The following VSTM5 variants were observed in gnomAD, a reference collection of about 807,000 sequenced individuals.
VSTM5 encodes V-set and transmembrane domain containing 5, also known as V-set and transmembrane domain-containing protein 5.
VSTM5 carries 21 observed loss-of-function variants against 20.3 expected under a neutral mutation model. That is an observed-to-expected ratio of 1.03 (90% confidence interval 0.73 to 1.49). The LOEUF is 1.49. Among genes scored for constraint, VSTM5 ranks in the 40% most tolerant of loss-of-function variants. The probability of loss-of-function intolerance (pLI) is 0.00; values close to 1 mark genes in which losing one functional copy is unlikely to be tolerated. For missense variants in VSTM5, 219 were observed against 250.0 expected (o/e 0.88, Z 0.84); for synonymous variants, 100 against 102.5 (o/e 0.98, Z 0.14).
chr11:93,822,410 C>G (rs1944195525), intron 1 of VSTM5, among the ~76,000 whole-genome samples: 3 of 151,478 alleles, frequency 2.0e-5, no homozygotes, highest in South Asian at 4.2e-4. Flanking sequence ...CAAAGGCACA[C>G]CAACATGCCC....
chr11:93,820,458 AG>A lies in VSTM5; in HGVS notation c.*110del. 1.8e-5 allele frequency: 21 copies of A among 1,137,060 alleles called. No homozygotes were observed. The highest frequency in any genetic ancestry group is 2.6e-5 in the Non-Finnish European group (20 of 784,236). 70.4% of individuals were successfully genotyped at this position (1,137,060 alleles called of 1,614,324 possible). ...GTTGTTAATCTCCCACTGTCCTGTTAGGAGCGGGCTGCAACAGGACCACACA... is the reference window on the plus strand; with the variant it reads ...GTTGTTAATCTCCCACTGTCCTGTTAGAGCGGGCTGCAACAGGACCACACA... On this transcript the variant is annotated 3_prime_UTR_variant, in exon 4 of 4. Coordinates refer to ENST00000409977, the MANE Select transcript of VSTM5 (RefSeq NM_001144871.2).
intron 1 of VSTM5, among the ~76,000 whole-genome samples, chr11:93,843,159 A>G (rs527702408): frequency 2.0e-5 from 3 of 152,056 alleles, no homozygotes; most frequent in Admixed American, 6.5e-5. Context: ...TCTCCTCCAG[A>G]AAAACTATTA....
chr11:93,846,250 T>TA (rs35276564), intron 1 of VSTM5, among the ~76,000 whole-genome samples: 91,239 of 151,846 alleles, frequency 0.6, 28,080 homozygotes, highest in Non-Finnish European at 0.67. Context: ...ATAAGGGATA[T>TA]AGCTGTCCTT....
intron 1 of VSTM5, among the ~76,000 whole-genome samples, chr11:93,844,699 A>ACGTTG (rs889565966): frequency 4.6e-5 from 7 of 152,102 alleles, no homozygotes; most frequent in African/African-American, 1.7e-4. Context: ...ACTACCTCCT[A>ACGTTG]CGTTGCCATC....
In VSTM5 at chr11:93,839,851, G is replaced by A. The variant is rs575468027; in HGVS notation, c.91+10561C>T. Among the ~76,000 whole-genome samples the A allele has an allele frequency of 1.8e-4, 28 of 152,280 alleles. No individual in the cohort carries two copies. In the South Asian group the frequency reaches 4.3e-3, roughly 24 times the overall value. On this transcript the variant is annotated intron_variant, in intron 1 of 3. Coordinates refer to ENST00000409977, the MANE Select transcript of VSTM5 (RefSeq NM_001144871.2). ...TATTTGGAGATAGGGTTGTTACAGA[G>A]GTAATCAAGTTAAAATGAGGTCATT...
intron 1 of VSTM5, among the ~76,000 whole-genome samples, chr11:93,826,483 C>T (rs1944239482): frequency 6.6e-6 from 1 of 151,888 alleles, no homozygotes; most frequent in Non-Finnish European, 1.5e-5. Context: ...CTACAAGCTC[C>T]ACCTCCCGGG....
At chr11:93,823,303 C>G (rs893069553) in intron 1 of VSTM5, among the ~76,000 whole-genome samples, 3 of 151,808 alleles carry the variant, frequency 2.0e-5, no homozygotes, top group Admixed American at 1.3e-4. Flanking sequence ...CAAGTGTGAG[C>G]CACTGTGTCC....
At chr11:93,838,852 C>T (rs140644390) in intron 1 of VSTM5, among the ~76,000 whole-genome samples, 52 of 152,258 alleles carry the variant, frequency 3.4e-4, no homozygotes, top group African/African-American at 1.1e-3. Flanking sequence ...AGCCTGACAG[C>T]CAAGAACAAT....
Position 93,841,430 on chromosome 11 carries a change from AACTC to A in VSTM5, c.91+8978_91+8981del, listed in dbSNP as rs1017359621. ...TGTTCAAAACACCAAGGACCTGGAC[AACTC>A]ACTCAAGGCTTTCCTTCTGGTAACA... On this transcript the variant is annotated intron_variant, in intron 1 of 3. Transcript: ENST00000409977. 2.6e-5 allele frequency among the ~76,000 whole-genome samples: 4 copies of A among 152,218 alleles called. No individual in the cohort carries two copies. The South Asian group carries it at 6.2e-4, about 24-fold the overall frequency.
chr11:93,821,040 G>A lies in VSTM5; in HGVS notation c.375C>T (p.Arg125=). 6.4e-7 allele frequency: 1 copy of A among 1,551,710 alleles called. No individual in the cohort carries two copies. The highest frequency in any genetic ancestry group is 1.7e-4 in the Middle Eastern group (1 of 5,992). The change falls in exon 2 of 4, where the codon CGC becomes CGT. Residue 125 remains arginine (R), a synonymous_variant. Coordinates refer to ENST00000409977, the MANE Select transcript of VSTM5 (RefSeq NM_001144871.2). ...TGGTGCCAAACTGGCTGCTCCCCAG[G>A]CGCTCCGTCACGGTGATGACATAGT... ...SGYYVITVTE[R]LGSSQFGTIV...
At chr11:93,838,085 A>G (rs934632401) in intron 1 of VSTM5, among the ~76,000 whole-genome samples, 2 of 152,172 alleles carry the variant, frequency 1.3e-5, no homozygotes, top group African/African-American at 2.4e-5. Context: ...CGAAAGACCC[A>G]GGTTCTATCT....
rs1944163557 is a variant in VSTM5, at chr11:93,819,700, A to C, written c.*869T>G. 1 of 152,182 alleles carries C rather than the reference A, an allele frequency of 6.6e-6. No individual in the cohort carries two copies. The highest frequency in any genetic ancestry group is 1.5e-5 in the Non-Finnish European group (1 of 68,074). 9.4% of individuals were successfully genotyped at this position (152,182 alleles called of 1,614,324 possible). A position where few individuals can be genotyped will look rare whatever the true frequency, so the allele number is the denominator to read the frequency against. ...ACAGATGCAAAGCCCGAGATGACTG[A>C]TTTTCCAGCTGCATCACCCACTATG... On this transcript the variant is annotated 3_prime_UTR_variant, in exon 4 of 4. Transcript: ENST00000409977.
rs1944169561 is a variant in VSTM5 at position 93,820,344 on chromosome 11, A to G, written c.*225T>C. 4 of 556,408 alleles carry G rather than the reference A, an allele frequency of 7.2e-6. No homozygotes were observed. The highest frequency in any genetic ancestry group is 1.3e-5 in the Non-Finnish European group (4 of 311,998). 34.5% of individuals were successfully genotyped at this position (556,408 alleles called of 1,614,324 possible). A position where few individuals can be genotyped will look rare whatever the true frequency, so the allele number is the denominator to read the frequency against. ...TGCAGCCAAGCGAAGCTCCTGGTTC[A>G]AAGCCTCAATCACTCTTCTCCTTGA... On this transcript the variant is annotated 3_prime_UTR_variant, in exon 4 of 4. Transcript: ENST00000409977.
intron 1 of VSTM5, among the ~76,000 whole-genome samples, chr11:93,849,595 G>A (rs186820526): frequency 2.1e-4 from 32 of 152,342 alleles, no homozygotes; most frequent in African/African-American, 7.5e-4. Flanking sequence ...AATAAGTGCT[G>A]GCTCTTACTA....
At chr11:93,833,779 A>G (rs1400609309) in intron 1 of VSTM5, among the ~76,000 whole-genome samples, 2 of 151,904 alleles carry the variant, frequency 1.3e-5, no homozygotes, top group African/African-American at 4.8e-5. Flanking sequence ...GGCGCCCTTT[A>G]CTGCAAGTTA....
chr11:93,847,570 G>T (rs1275924496), intron 1 of VSTM5, among the ~76,000 whole-genome samples: 1 of 152,254 alleles, frequency 6.6e-6, no homozygotes, highest in Non-Finnish European at 1.5e-5. Flanking sequence ...AAAAAAGCAA[G>T]TTGATTCTGG....
intron 1 of VSTM5, among the ~76,000 whole-genome samples, chr11:93,824,502 A>G (rs1944217344): frequency 2.0e-5 from 3 of 152,036 alleles, no homozygotes; most frequent in Admixed American, 6.6e-5. Context: ...TCTTTAAATC[A>G]TGTGTTTCTT....
intron 1 of VSTM5, chr11:93,827,485 C>T (rs1427087142): frequency 6.6e-6 from 1 of 152,178 alleles, no homozygotes; most frequent in Non-Finnish European, 1.5e-5. Flanking sequence ...TGAGTAACCA[C>T]GTCTGCATCT....
Position 93,820,198 on chromosome 11 carries a change from C to T in VSTM5, c.*371G>A, listed in dbSNP as rs747751679. 1 of 256,688 alleles carries T rather than the reference C, an allele frequency of 3.9e-6. No homozygotes were observed. The highest frequency in any genetic ancestry group is 5.2e-5 in the South Asian group (1 of 19,254). The allele number at this position is 256,688 out of a possible 1,614,324, so 15.9% of individuals were successfully genotyped here. Reference sequence around the variant, plus strand: ...CTGGCTGCACATCCATCTGGAAATCCTCTGGCCTCTGATACAGGGACTCTG... The same window carrying T: ...CTGGCTGCACATCCATCTGGAAATCTTCTGGCCTCTGATACAGGGACTCTG... On this transcript the variant is annotated 3_prime_UTR_variant, in exon 4 of 4. Transcript: ENST00000409977.
Sources: gnomAD v4.1 joint callset for allele counts (sites outside exome capture counted in the v4.1 genomes callset) on GRCh38, gnomAD v4.1.1 for gene constraint, MANE v1.5 for transcripts, NCBI Gene and HGNC (gene_info 2026-07-23, HGNC 2026-07-21) for gene names.